Variants in ATP8B4 observed in about 807,000 individuals in gnomAD.
The protein encoded by ATP8B4 is probable phospholipid-transporting ATPase IM.
A neutral mutation model predicts 145.6 loss-of-function variants in ATP8B4; 133 were observed. The ratio of observed to expected loss-of-function variants is 0.91; its 90% CI spans 0.79 to 1.05. ATP8B4 has a LOEUF of 1.05. ATP8B4 is among the 50% of genes least tolerant of loss of function. The probability of loss-of-function intolerance (pLI) is 0.00; values close to 1 mark genes in which losing one functional copy is unlikely to be tolerated. For missense variants in ATP8B4, 1,458 were observed against 1,425.2 expected, an observed-to-expected ratio of 1.02 and a Z score of -0.37; for synonymous variants, 507 against 492.9, an observed-to-expected ratio of 1.03 and a Z score of -0.38.
intron 1 of ATP8B4, among the ~76,000 whole-genome samples, chr15:50,129,098 T>C (rs1352692184): frequency 6.6e-6 from 1 of 152,108 alleles, no homozygotes; most frequent in African/African-American, 2.4e-5. Context: ...AAAAGTTAAG[T>C]AGCCACATTT....
chr15:49,946,011 A>C (rs2042533696), intron 14 of ATP8B4, among the ~76,000 whole-genome samples: 1 of 152,210 alleles, frequency 6.6e-6, no homozygotes, highest in Non-Finnish European at 1.5e-5. Flanking sequence ...GCAGTTAGAC[A>C]AGAAAAAGAA....
chr15:49,886,715 T>A (rs1344460054), intron 23 of ATP8B4, among the ~76,000 whole-genome samples: 1 of 152,232 alleles, frequency 6.6e-6, no homozygotes, highest in Non-Finnish European at 1.5e-5. Flanking sequence ...TGTGTTAACC[T>A]GAGTCCTTTA....
At position 49,912,067 on chromosome 15, in the gene ATP8B4, T is replaced by A. The variant is rs571845122; in HGVS notation, c.2141+4867A>T. Among the ~76,000 whole-genome samples, 4 of 152,140 alleles carry A rather than the reference T, an allele frequency of 2.6e-5. No homozygotes were observed. The East Asian group carries it at 7.7e-4, about 29-fold the overall frequency. ...AGAGAATTTTATAGCAATAAATGCC[T>A]ACATCAAAAAAGTAAAAAGATTTTA... On this transcript the variant is annotated intron_variant, in intron 20 of 27. Coordinates refer to ENST00000284509, the MANE Select transcript of ATP8B4 (RefSeq NM_024837.4).
rs1174488260 is a variant in ATP8B4 at position 50,086,578 on chromosome 15, TAATAA to T, written c.29-12398_29-12394del. 1.0e-4 allele frequency among the ~76,000 whole-genome samples: 11 copies of T among 109,644 alleles called. No individual in the cohort carries two copies. In the East Asian group the frequency reaches 2.9e-3, roughly 29 times the overall value. The allele number at this position is 109,644 out of a possible 152,430, so 71.9% of individuals were successfully genotyped here. ...TATAGAGATCTATATTTATTATATA[TAATAA>T]AATAATATAGAGATCTATATTTATT... On this transcript the variant is annotated intron_variant, in intron 2 of 27. Transcript: ENST00000284509.
chr15:50,026,272 A>G (rs758852165), intron 6 of ATP8B4, among the ~76,000 whole-genome samples: 5 of 152,218 alleles, frequency 3.3e-5, no homozygotes, highest in Non-Finnish European at 7.3e-5. Flanking sequence ...GAGTCACTGT[A>G]CTTAAAGCCT....
Position 49,934,429 on chromosome 15 carries a change from G to A in ATP8B4, c.1288-247C>T, listed in dbSNP as rs1442754174. ...AATCACAAAACTATATGGGATGGCT[G>A]TACAGATCCTCAAATGCTCAATACA... On this transcript the variant is annotated intron_variant, in intron 14 of 27. Transcript: ENST00000284509. Among the ~76,000 whole-genome samples, 3 of 151,986 alleles carry A rather than the reference G, an allele frequency of 2.0e-5. No individual in the cohort carries two copies. The East Asian group carries it at 5.8e-4, about 29-fold the overall frequency.
At chr15:49,956,384 T>C (rs1252186554) in intron 14 of ATP8B4, among the ~76,000 whole-genome samples, 2 of 152,080 alleles carry the variant, frequency 1.3e-5, no homozygotes, top group Admixed American at 6.6e-5. Context: ...TATAAGTTTT[T>C]ATATTTTAAA....
At chr15:50,038,632 A>C in intron 6 of ATP8B4, 136 bp downstream of exon 6, 2 of 678,540 alleles carry the variant, frequency 2.9e-6, no homozygotes, top group Non-Finnish European at 4.9e-6. Context: ...GATAAAATGG[A>C]ATTAAAGTTC....
At chr15:49,982,159 A>G (rs2046211602) in intron 10 of ATP8B4, among the ~76,000 whole-genome samples, 1 of 152,172 alleles carries the variant, frequency 6.6e-6, no homozygotes, top group African/African-American at 2.4e-5. Context: ...AATTAAAGAA[A>G]GGAGAAAAGG....
chr15:49,984,442 G>A (rs1474150077), intron 10 of ATP8B4, among the ~76,000 whole-genome samples: 1 of 152,152 alleles, frequency 6.6e-6, no homozygotes, highest in African/African-American at 2.4e-5. Flanking sequence ...CAAAAGGTTA[G>A]TGCATTAACC....
intron 6 of ATP8B4, among the ~76,000 whole-genome samples, chr15:50,028,927 C>T (rs1169327724): frequency 2.6e-5 from 4 of 152,054 alleles, no homozygotes; most frequent in Admixed American, 6.5e-5. Context: ...CAAATCATCA[C>T]GAACCAACTG....
At chr15:49,861,002 T>TATA (rs2031592064) in intron 27 of ATP8B4, among the ~76,000 whole-genome samples, 1 of 152,028 alleles carries the variant, frequency 6.6e-6, no homozygotes, top group Non-Finnish European at 1.5e-5. Flanking sequence ...AAATGTTCCC[T>TATA]ATTATGTGAG....
At chr15:50,161,347 A>G (rs1457338922) in intron 1 of ATP8B4, among the ~76,000 whole-genome samples, 1 of 151,808 alleles carries the variant, frequency 6.6e-6, no homozygotes, top group Non-Finnish European at 1.5e-5. Flanking sequence ...TTCATTGGAG[A>G]GTTTAGTCCA....
intron 6 of ATP8B4, among the ~76,000 whole-genome samples, chr15:50,026,136 T>G (rs1350264169): frequency 6.6e-6 from 1 of 152,214 alleles, no homozygotes; most frequent in African/African-American, 2.4e-5. Flanking sequence ...TCTCTACTAC[T>G]ATTACTATCA....
intron 21 of ATP8B4, among the ~76,000 whole-genome samples, chr15:49,899,620 T>G (rs1464601227): frequency 6.6e-6 from 1 of 152,176 alleles, no homozygotes; most frequent in African/African-American, 2.4e-5. Flanking sequence ...CTGTCTTGCC[T>G]AGAATGGTCT....
intron 12 of ATP8B4, 67 bp from the exon 13 acceptor site, chr15:49,972,857 G>T (rs1432929945): frequency 1.3e-6 from 2 of 1,513,718 alleles, no homozygotes; most frequent in African/African-American, 1.4e-5. Context: ...ACAATATTTT[G>T]CCAAAATAAG....
At chr15:50,116,308 G>A (rs1042286577) in intron 1 of ATP8B4, among the ~76,000 whole-genome samples, 5 of 152,120 alleles carry the variant, frequency 3.3e-5, no homozygotes, top group Non-Finnish European at 7.3e-5. Flanking sequence ...GAACAAGGAG[G>A]AATCTGGGGT....
chr15:49,957,087 A>G (rs1026619285), intron 14 of ATP8B4, among the ~76,000 whole-genome samples: 12 of 152,168 alleles, frequency 7.9e-5, no homozygotes, highest in Non-Finnish European at 1.6e-4. Flanking sequence ...TGATTTCCTC[A>G]TTTTGGTATT....
At chr15:49,991,325 C>T (rs772561464) in intron 9 of ATP8B4, among the ~76,000 whole-genome samples, 1 of 152,166 alleles carries the variant, frequency 6.6e-6, no homozygotes, top group South Asian at 2.1e-4. Context: ...TCAGCATTAA[C>T]AGTCATACAA....
Sources: gnomAD v4.1 joint callset for allele counts (sites outside exome capture counted in the v4.1 genomes callset) on GRCh38, gnomAD v4.1.1 for gene constraint, MANE v1.5 for transcripts, NCBI Gene and HGNC (gene_info 2026-07-23, HGNC 2026-07-21) for gene names.